Variants in AKAP13 observed in about 807,000 individuals in gnomAD.
AKAP13 encodes the protein A-kinase anchor protein 13.
AKAP13 carries 80 observed loss-of-function variants against 264.5 expected under a neutral mutation model. That is an observed-to-expected ratio of 0.30 (90% confidence interval 0.25 to 0.36). The LOEUF is 0.36. Among genes scored for constraint, AKAP13 ranks in the 10% least tolerant of loss-of-function variants. The pLI is 1.00. For synonymous variants in AKAP13, 1,380 were observed against 1,250.2 expected, an observed-to-expected ratio of 1.10 and a Z score of -2.19; for missense variants, 3,712 against 3,435.2, an observed-to-expected ratio of 1.08 and a Z score of -2.01.
chr15:85,446,575 A>G (rs1003666707), intron 1 of AKAP13, among the ~76,000 whole-genome samples: 2 of 152,224 alleles, frequency 1.3e-5, no homozygotes, highest in African/African-American at 2.4e-5. Flanking sequence ...TTTGCCTATA[A>G]GCAATAGTTG....
intron 1 of AKAP13, among the ~76,000 whole-genome samples, chr15:85,469,018 A>C (rs1567072906): frequency 7.4e-6 from 1 of 135,250 alleles, no homozygotes; most frequent in African/African-American, 3.1e-5. Flanking sequence ...GGGTTCAAGC[A>C]ATTCTCCTGC....
intron 10 of AKAP13, among the ~76,000 whole-genome samples, chr15:85,649,122 C>T (rs1567174536): frequency 6.6e-6 from 1 of 152,192 alleles, no homozygotes; most frequent in Non-Finnish European, 1.5e-5. Context: ...ACAGTAGGTA[C>T]TGAACTAAAT....
chr15:85,644,689 A>G (rs2151486945), intron 9 of AKAP13, among the ~76,000 whole-genome samples: 1 of 105,046 alleles, frequency 9.5e-6, no homozygotes, highest in South Asian at 3.5e-4. Flanking sequence ...CTCTACTAAA[A>G]ATACAAAAAA....
chr15:85,501,757 A>G (rs2076043214), intron 2 of AKAP13, among the ~76,000 whole-genome samples: 1 of 152,168 alleles, frequency 6.6e-6, no homozygotes. Context: ...TTCAAACCAG[A>G]CCTTTCTTCA....
At chr15:85,499,798 GT>G (rs1295677881) in intron 2 of AKAP13, among the ~76,000 whole-genome samples, 1 of 152,068 alleles carries the variant, frequency 6.6e-6, no homozygotes, top group Non-Finnish European at 1.5e-5. Flanking sequence ...CGGCTACTCT[GT>G]GCAGACTTTG....
intron 2 of AKAP13, among the ~76,000 whole-genome samples, chr15:85,502,101 A>G (rs2076052836): frequency 6.6e-6 from 1 of 152,106 alleles, no homozygotes; most frequent in East Asian, 1.9e-4. Flanking sequence ...CTGATTTACT[A>G]GGTTTGGGAT....
chr15:85,743,414 T>TCTG, intron 35 of AKAP13, 78 bp from the exon 36 acceptor site: 1 of 1,492,556 alleles, frequency 6.7e-7, no homozygotes, highest in South Asian at 1.3e-5. Context: ...CCCAGTTGAA[T>TCTG]TCAGCCAGGA....
chr15:85,671,190 A>T (rs1037002272), intron 14 of AKAP13, among the ~76,000 whole-genome samples: 2 of 152,248 alleles, frequency 1.3e-5, no homozygotes, highest in Non-Finnish European at 2.9e-5. Flanking sequence ...ACAGAAGCAG[A>T]TGCCCTATAT....
intron 5 of AKAP13, among the ~76,000 whole-genome samples, chr15:85,556,961 A>G (rs1479968367): frequency 6.6e-6 from 1 of 152,222 alleles, no homozygotes; most frequent in African/African-American, 2.4e-5. Flanking sequence ...TCTCTACACA[A>G]TTTTGCTGTA....
chr15:85,629,257 A>G (rs1231893629), intron 8 of AKAP13, among the ~76,000 whole-genome samples: 1 of 152,118 alleles, frequency 6.6e-6, no homozygotes, highest in Non-Finnish European at 1.5e-5. Flanking sequence ...GGAAAAGAAC[A>G]AGAAGAGACT....
chr15:85,497,789 A>AG (rs1475359714), intron 2 of AKAP13, among the ~76,000 whole-genome samples: 3 of 152,214 alleles, frequency 2.0e-5, no homozygotes, highest in Admixed American at 6.5e-5. Flanking sequence ...GCACTGATAA[A>AG]GGAAGTATGG....
intron 8 of AKAP13, among the ~76,000 whole-genome samples, chr15:85,601,608 TTGTGTGTGTGTGTG>T (rs10574160): frequency 1.7e-4 from 23 of 132,080 alleles, no homozygotes; most frequent in Middle Eastern, 4.0e-3. Context: ...CCTGAATTCT[TTGTGTGTGTGTGTG>T]TGTGTGTGTG....
intron 14 of AKAP13, chr15:85,670,877 G>A (rs2083889449): frequency 2.0e-5 from 3 of 152,138 alleles, no homozygotes; most frequent in Admixed American, 6.5e-5. Flanking sequence ...TAAGCGCAGG[G>A]CCTTGTGATG....
At chr15:85,628,863 A>T (rs990969176) in intron 8 of AKAP13, among the ~76,000 whole-genome samples, 1 of 152,186 alleles carries the variant, frequency 6.6e-6, no homozygotes, top group Admixed American at 6.5e-5. Flanking sequence ...ATACTAAAAA[A>T]TTGTAAACAA....
intron 35 of AKAP13, among the ~76,000 whole-genome samples, chr15:85,742,509 C>T (rs17576534): frequency 0.14 from 21,969 of 152,238 alleles, 2,158 homozygotes; most frequent in Non-Finnish European, 0.22. Context: ...GCCGCCACTC[C>T]TCTCGTGGAT....
chr15:85,505,776 T>C lies in AKAP13; in HGVS notation c.34-15652T>C, dbSNP rs1222567113. The stretch of plus-strand genomic sequence containing the variant: ...TTGAGGGATGTGGATACTATCTTAG[T>C]ATTTTCCTGCTGAGACAGATATAGG... On this transcript the variant is annotated intron_variant, in intron 2 of 36. Coordinates refer to ENST00000394518, the MANE Select transcript of AKAP13 (RefSeq NM_007200.5). 3.3e-5 allele frequency among the ~76,000 whole-genome samples: 5 copies of C among 152,194 alleles called. No homozygotes were observed. In the East Asian group the frequency reaches 7.7e-4, roughly 23 times the overall value.
intron 1 of AKAP13, among the ~76,000 whole-genome samples, chr15:85,385,391 T>C (rs929333492): frequency 6.6e-6 from 1 of 152,218 alleles, no homozygotes; most frequent in Non-Finnish European, 1.5e-5. Flanking sequence ...ATTATTCATA[T>C]GTATAGTTTA....
chr15:85,403,847 CAA>C (rs11342591), intron 1 of AKAP13, among the ~76,000 whole-genome samples: 187 of 128,212 alleles, frequency 1.5e-3, no homozygotes, highest in African/African-American at 2.5e-3. Flanking sequence ...AAACTCCTCT[CAA>C]AAAAAAAAAA....
chr15:85,388,848 A>T (rs1448484734), intron 1 of AKAP13, among the ~76,000 whole-genome samples: 2 of 152,216 alleles, frequency 1.3e-5, no homozygotes, highest in Non-Finnish European at 2.9e-5. Flanking sequence ...TATCTGTTAA[A>T]TGTCAGATGT....
Sources: gnomAD v4.1 joint callset for allele counts (sites outside exome capture counted in the v4.1 genomes callset) on GRCh38, gnomAD v4.1.1 for gene constraint, MANE v1.5 for transcripts, NCBI Gene and HGNC (gene_info 2026-07-23, HGNC 2026-07-21) for gene names.